ZDHHC18: variants seen among roughly 807,000 people sequenced by gnomAD.
The protein encoded by ZDHHC18 is zDHHC palmitoyltransferase 18, also known as palmitoyltransferase ZDHHC18.
In ZDHHC18, 23 loss-of-function variants were observed where a neutral mutation model predicts 37.5. The observed-to-expected ratio is 0.61, with a 90% CI of 0.44 to 0.87. The LOEUF (loss-of-function observed/expected upper bound fraction) is 0.87. ZDHHC18 is among the 40% of genes least tolerant of loss of function. The pLI is 0.00. For missense variants in ZDHHC18, 406 were observed against 525.6 expected (o/e 0.77, Z 2.22); for synonymous variants, 185 against 218.7 (o/e 0.85, Z 1.36).
intron 2 of ZDHHC18, among the ~76,000 whole-genome samples, chr1:26,838,066 G>A (rs1188279408): frequency 1.4e-5 from 2 of 144,642 alleles, no homozygotes; most frequent in African/African-American, 2.6e-5. Context: ...GTGAGATCTC[G>A]GCTCACCACA....
chr1:26,841,143 AT>A (rs2081637251), intron 2 of ZDHHC18, among the ~76,000 whole-genome samples: 1 of 151,850 alleles, frequency 6.6e-6, no homozygotes, highest in Admixed American at 6.6e-5. Flanking sequence ...CACCTGGCTA[AT>A]TTTTGTATTT....
In ZDHHC18 at chr1:26,826,729, C is replaced by T. The variant is rs1297186918; in HGVS notation, c.-76C>T. On this transcript the variant is annotated 5_prime_UTR_variant, in exon 1 of 8. Transcript: ENST00000374142. The surrounding 1 kb of genome is among the most constrained non-coding windows in gnomAD (Gnocchi z 5.2). Reference sequence around the variant, plus strand: ...AGCGCCGCGCGCGCCGCCGCTGCCACCTCCGCTGCTCGGCCCGGTCCCGGA... The same window carrying T: ...AGCGCCGCGCGCGCCGCCGCTGCCATCTCCGCTGCTCGGCCCGGTCCCGGA... The T allele has an allele frequency of 2.7e-6, 2 of 747,452 alleles. No homozygotes were observed. The highest frequency in any genetic ancestry group is 1.9e-5 in the African/African-American group (1 of 52,182). 46.3% of individuals were successfully genotyped at this position (747,452 alleles called of 1,614,324 possible). A position where few individuals can be genotyped will look rare whatever the true frequency, so the allele number is the denominator to read the frequency against.
rs2081699133 is a variant in ZDHHC18 at position 26,850,779 on chromosome 1, G to A, written c.833+173G>A. 6.6e-6 allele frequency among the ~76,000 whole-genome samples: 1 copy of A among 152,146 alleles called. No individual in the cohort carries two copies. Among genetic ancestry groups the A allele is most frequent in the South Asian group, 2.1e-4 (1 of 4,822 alleles). ...CCCAGGCAAGAGCTGATCCTAAATG[G>A]GGCATTGTGGGGCCGGGGGTTCCTC... On this transcript the variant is annotated intron_variant, in intron 5 of 7. Coordinates refer to ENST00000374142, the MANE Select transcript of ZDHHC18 (RefSeq NM_032283.3). This position sits in a 1 kb window ranked among gnomAD's most constrained non-coding sequence, Gnocchi z 6.1.
chr1:26,836,486 A>G (rs1218641267), intron 2 of ZDHHC18, among the ~76,000 whole-genome samples: 1 of 151,866 alleles, frequency 6.6e-6, no homozygotes, highest in Non-Finnish European at 1.5e-5. Flanking sequence ...TGGTGCCCTC[A>G]GCATATCAGT....
At chr1:26,834,217 G>A (rs2081600989) in intron 2 of ZDHHC18, among the ~76,000 whole-genome samples, 1 of 152,234 alleles carries the variant, frequency 6.6e-6, no homozygotes, top group African/African-American at 2.4e-5. Flanking sequence ...CCTGTGAGCT[G>A]CGTGGATCAC....
Position 26,856,098 on chromosome 1 carries a change from C to G in ZDHHC18, c.*2255C>G. ...GTAGATTCCAGTTTGAGAGCCGGAGCTTCCCTGGCTACCACCTCCAACCTG... is the reference window on the plus strand; with the variant it reads ...GTAGATTCCAGTTTGAGAGCCGGAGGTTCCCTGGCTACCACCTCCAACCTG... On this transcript the variant is annotated 3_prime_UTR_variant, in exon 8 of 8. Coordinates refer to ENST00000374142, the MANE Select transcript of ZDHHC18 (RefSeq NM_032283.3). The surrounding 1 kb of genome is among the most constrained non-coding windows in gnomAD (Gnocchi z 5.2). 2.4e-6 allele frequency: 1 copy of G among 413,074 alleles called. No homozygotes were observed. Among genetic ancestry groups the G allele is most frequent in the Non-Finnish European group, 5.2e-6 (1 of 193,932 alleles). The allele number at this position is 413,074 out of a possible 1,614,324, so 25.6% of individuals were successfully genotyped here.
chr1:26,832,642 C>T, intron 2 of ZDHHC18, 35 bp downstream of exon 2: 6 of 1,604,454 alleles, frequency 3.7e-6, no homozygotes, highest in Non-Finnish European at 5.1e-6. Flanking sequence ...GCTGGGTCTC[C>T]ATAGCTCCAC....
intron 1 of ZDHHC18, among the ~76,000 whole-genome samples, chr1:26,828,600 CT>C (rs1263408580): frequency 2.0e-5 from 3 of 152,216 alleles, no homozygotes; most frequent in African/African-American, 7.2e-5. Context: ...CCCTTTCTAG[CT>C]GCCAGATCAT....
chr1:26,851,712 C>T (rs1035229130), intron 6 of ZDHHC18, among the ~76,000 whole-genome samples: 5 of 152,330 alleles, frequency 3.3e-5, no homozygotes, highest in South Asian at 4.1e-4. Flanking sequence ...CACAGGTATG[C>T]GCTCCCTCTT....
In ZDHHC18 at chr1:26,851,269, C is replaced by T. The variant is rs202069161; in HGVS notation, c.936+38C>T. 90 of 1,589,230 alleles carry T rather than the reference C, an allele frequency of 5.7e-5. 1 individual carries two copies. Among genetic ancestry groups the T allele is most frequent in the Non-Finnish European group, 5.8e-5 (67 of 1,157,364 alleles). ...GGAGCCACCCCTCATTCTAGGGCAG[C>T]GCCCTCAGGAGGAGGCAGGGCTGAG... On this transcript the variant is annotated intron_variant, in intron 6 of 7. Coordinates refer to ENST00000374142, the MANE Select transcript of ZDHHC18 (RefSeq NM_032283.3).
chr1:26,829,616 G>T (rs2081574877), intron 1 of ZDHHC18, among the ~76,000 whole-genome samples: 1 of 152,210 alleles, frequency 6.6e-6, no homozygotes, highest in Admixed American at 6.5e-5. Context: ...TGGTATACTT[G>T]TTAGTTTCTG....
At chr1:26,840,583 A>G (rs942112294) in intron 2 of ZDHHC18, among the ~76,000 whole-genome samples, 3 of 151,448 alleles carry the variant, frequency 2.0e-5, no homozygotes, top group African/African-American at 7.3e-5. Flanking sequence ...CTGGGATTAC[A>G]GGCATGCGCC....
chr1:26,834,664 C>T (rs144574661), intron 2 of ZDHHC18, among the ~76,000 whole-genome samples: 25 of 152,292 alleles, frequency 1.6e-4, no homozygotes, highest in African/African-American at 5.5e-4. Flanking sequence ...TTCACCTTGT[C>T]GCCATGTAGA....
intron 2 of ZDHHC18, among the ~76,000 whole-genome samples, chr1:26,844,035 A>C (rs1477666834): frequency 6.6e-6 from 1 of 151,640 alleles, no homozygotes; most frequent in Non-Finnish European, 1.5e-5. Context: ...CACTTTACAC[A>C]ATTTGTTTTG....
intron 2 of ZDHHC18, among the ~76,000 whole-genome samples, chr1:26,836,024 T>G (rs1249041842): frequency 6.6e-6 from 1 of 152,086 alleles, no homozygotes; most frequent in African/African-American, 2.4e-5. Flanking sequence ...CCCAGGAAAA[T>G]CAGGGCACTC....
At chr1:26,835,762 C>G (rs1391858388) in intron 2 of ZDHHC18, among the ~76,000 whole-genome samples, 1 of 152,150 alleles carries the variant, frequency 6.6e-6, no homozygotes, top group African/African-American at 2.4e-5. Context: ...ATCACTGAAC[C>G]TTTTCCAGAA....
At chr1:26,834,613 C>T (rs2081603031) in intron 2 of ZDHHC18, among the ~76,000 whole-genome samples, 1 of 152,114 alleles carries the variant, frequency 6.6e-6, no homozygotes, top group African/African-American at 2.4e-5. Flanking sequence ...CAAAATCATC[C>T]TTTCTGCTGG....
In ZDHHC18 at chr1:26,848,712, C is replaced by A. The variant is rs375631096; in HGVS notation, c.601C>A (p.Arg201=). ...LKYCFTCKMF[R]PPRTSHCSVC... is the part of the protein sequence containing the mutation. Reference sequence around the variant, plus strand: ...GTACTGCTTCACCTGCAAGATGTTCCGGCCACCCCGAACCTCACACTGCAG... The same window carrying A: ...GTACTGCTTCACCTGCAAGATGTTCAGGCCACCCCGAACCTCACACTGCAG... Residue 201 remains arginine, a synonymous_variant, in exon 3 of 8, where the codon CGG becomes AGG. Coordinates refer to ENST00000374142, the MANE Select transcript of ZDHHC18 (RefSeq NM_032283.3). 2 of 1,614,112 alleles carry A rather than the reference C, an allele frequency of 1.2e-6. No homozygotes were observed. The highest frequency in any genetic ancestry group is 2.2e-5 in the South Asian group (2 of 91,088).
chr1:26,840,963 C>G (rs996148517), intron 2 of ZDHHC18, among the ~76,000 whole-genome samples: 1 of 149,494 alleles, frequency 6.7e-6, no homozygotes, highest in Admixed American at 6.7e-5. Context: ...CAGGTTCATG[C>G]CACATACAGC....
Sources: gnomAD v4.1 joint callset for allele counts (sites outside exome capture counted in the v4.1 genomes callset) on GRCh38, gnomAD v4.1.1 for gene constraint, Gnocchi (gnomAD v3.1) non-coding constraint, MANE v1.5 for transcripts, NCBI Gene and HGNC (gene_info 2026-07-23, HGNC 2026-07-21) for gene names.